The following ATG4B variants were observed in gnomAD, a reference collection of about 807,000 sequenced individuals.
The protein encoded by ATG4B is cysteine protease ATG4B.
A neutral mutation model predicts 56.6 loss-of-function variants in ATG4B; 29 were observed. The ratio of observed to expected loss-of-function variants is 0.51; its 90% CI spans 0.38 to 0.70. The LOEUF (loss-of-function observed/expected upper bound fraction) is 0.70, where lower values mean the gene tolerates loss of function less well. ATG4B is among the 30% of genes least tolerant of loss of function. The pLI, the probability that ATG4B is intolerant of heterozygous loss-of-function variation, is 0.00. For missense variants in ATG4B, 461 were observed against 515.5 expected (o/e 0.89, Z 1.02); for synonymous variants, 224 against 206.1 (o/e 1.09, Z -0.74).
chr2:241,640,960 A>G (rs1304028428), intron 1 of ATG4B, among the ~76,000 whole-genome samples: 1 of 152,184 alleles, frequency 6.6e-6, no homozygotes, highest in East Asian at 1.9e-4. Flanking sequence ...GGAAGGTTTC[A>G]TTCTAGAGGA....
At chr2:241,643,494 A>G (rs2067963817) in intron 1 of ATG4B, among the ~76,000 whole-genome samples, 1 of 150,608 alleles carries the variant, frequency 6.6e-6, no homozygotes, top group South Asian at 2.1e-4. Flanking sequence ...GGCATGAGCC[A>G]CGGCACCTGG....
intron 11 of ATG4B, 131 bp from the exon 12 acceptor site, chr2:241,671,178 GAGC>G: frequency 3.9e-6 from 3 of 771,250 alleles, no homozygotes; most frequent in Non-Finnish European, 6.5e-6. Flanking sequence ...CTTTAGTGTG[GAGC>G]TGCCTCTGTT....
Position 241,668,830 on chromosome 2 carries a change from T to C in ATG4B, c.957+145T>C. The C allele has an allele frequency of 8.1e-7, 1 of 1,239,318 alleles. No homozygotes were observed. The highest frequency in any genetic ancestry group is 1.1e-6 in the Non-Finnish European group (1 of 902,614). 76.8% of individuals were successfully genotyped at this position (1,239,318 alleles called of 1,614,324 possible). A position where few individuals can be genotyped will look rare whatever the true frequency, so the allele number is the denominator to read the frequency against. On this transcript the variant is annotated intron_variant, in intron 10 of 12. Transcript: ENST00000404914. This position sits in a 1 kb window ranked among gnomAD's most constrained non-coding sequence, Gnocchi z 4.2. ...CACGTGGTTGGGAATCTGAAGGGTATAAGAGCCGGAACTGTGTCCTTGCAC... is the reference window on the plus strand; with the variant it reads ...CACGTGGTTGGGAATCTGAAGGGTACAAGAGCCGGAACTGTGTCCTTGCAC...
Position 241,671,821 on chromosome 2 carries a change from A to G in ATG4B, c.1109-370A>G, listed in dbSNP as rs536737718. ...CGCAGGAGCCGGCCTGGGCTCGTGC[A>G]GTGAAGTGAGTGGCCGTGAGCGCGT... On this transcript the variant is annotated intron_variant, in intron 12 of 12. Transcript: ENST00000404914. 1.3e-4 allele frequency: 162 copies of G among 1,273,994 alleles called. 2 individuals carry two copies. In the South Asian group the frequency reaches 2.5e-3, roughly 20 times the overall value. The allele number at this position is 1,273,994 out of a possible 1,614,324, so 78.9% of individuals were successfully genotyped here.
At chr2:241,664,983 A>G (rs998977352) in intron 7 of ATG4B, among the ~76,000 whole-genome samples, 1 of 151,710 alleles carries the variant, frequency 6.6e-6, no homozygotes, top group Non-Finnish European at 1.5e-5. Flanking sequence ...CAGGGGGCAC[A>G]GTGGCCCACA....
chr2:241,652,753 CACCACTACCCCAA>C (rs1329875218), intron 3 of ATG4B, among the ~76,000 whole-genome samples: 1 of 152,172 alleles, frequency 6.6e-6, no homozygotes, highest in Admixed American at 6.5e-5. Flanking sequence ...GGGTGACGGC[CACCACTACCCCAA>C]GACACAGGGT....
At chr2:241,663,804 G>A (rs1404626598) in intron 7 of ATG4B, among the ~76,000 whole-genome samples, 1 of 149,608 alleles carries the variant, frequency 6.7e-6, no homozygotes, top group Non-Finnish European at 1.5e-5. Flanking sequence ...AACATAGCCA[G>A]ACGTCTATTT....
intron 1 of ATG4B, among the ~76,000 whole-genome samples, chr2:241,642,411 A>G (rs148605601): frequency 2.8e-4 from 43 of 152,292 alleles, no homozygotes; most frequent in African/African-American, 9.4e-4. Flanking sequence ...AGTAGTAATC[A>G]TATGCAAACT....
At position 241,643,344 on chromosome 2, in the gene ATG4B, A is replaced by G. The variant is rs538883510; in HGVS notation, c.10+5620A>G. Among the ~76,000 whole-genome samples, 9 of 147,670 alleles carry G rather than the reference A, an allele frequency of 6.1e-5. No homozygotes were observed. The East Asian group carries it at 1.8e-3, about 29-fold the overall frequency. Reference sequence around the variant, plus strand: ...CTCACATTCCTCAGTAGCTAAGACTACAGATGTCCACGCCTAGCTATTTTT... The same window carrying G: ...CTCACATTCCTCAGTAGCTAAGACTGCAGATGTCCACGCCTAGCTATTTTT... On this transcript the variant is annotated intron_variant, in intron 1 of 12. Coordinates refer to ENST00000404914, the MANE Select transcript of ATG4B (RefSeq NM_013325.5).
At chr2:241,657,735 C>T (rs2068452450) in intron 6 of ATG4B, among the ~76,000 whole-genome samples, 1 of 152,242 alleles carries the variant, frequency 6.6e-6, no homozygotes, top group African/African-American at 2.4e-5. Flanking sequence ...GCCCCATCTT[C>T]TTCTTTCTTG....
chr2:241,672,180 G>T lies in ATG4B; in HGVS notation c.1109-11G>T. On this transcript the variant is annotated splice_polypyrimidine_tract_variant and intron_variant, in intron 12 of 12. Coordinates refer to ENST00000404914, the MANE Select transcript of ATG4B (RefSeq NM_013325.5). ...CAAGATGCCTGATGCGCTATGTCCT[G>T]TTCCTTCTAGATTCTTCTGATGTAG... 6.4e-7 allele frequency: 1 copy of T among 1,571,216 alleles called. No homozygotes were observed. Among genetic ancestry groups the T allele is most frequent in the Non-Finnish European group, 8.6e-7 (1 of 1,157,716 alleles).
rs556025540 is a variant in ATG4B, at chr2:241,668,299, G to A, written c.811+78G>A. On this transcript the variant is annotated intron_variant, in intron 9 of 12. Coordinates refer to ENST00000404914, the MANE Select transcript of ATG4B (RefSeq NM_013325.5). The surrounding 1 kb of genome is among the most constrained non-coding windows in gnomAD (Gnocchi z 4.2). ...TTCCATGAGCAGGTACCACACCCCA[G>A]GTGACCACTTGAGGCCACTGGTGGA... 20 of 1,500,446 alleles carry A rather than the reference G, an allele frequency of 1.3e-5. No homozygotes were observed. The African/African-American group carries it at 1.5e-4, about 11-fold the overall frequency. The allele number at this position is 1,500,446 out of a possible 1,614,324, so 92.9% of individuals were successfully genotyped here.
chr2:241,645,362 G>A (rs1406694337), intron 1 of ATG4B, among the ~76,000 whole-genome samples: 2 of 152,208 alleles, frequency 1.3e-5, no homozygotes, highest in East Asian at 1.9e-4. Flanking sequence ...AGGAAAGGAC[G>A]TTATGTTGGA....
intron 1 of ATG4B, chr2:241,638,322 C>A (rs1220069950): frequency 1.3e-5 from 2 of 152,134 alleles, no homozygotes; most frequent in Non-Finnish European, 2.9e-5. Flanking sequence ...GAATTTGTAT[C>A]ATCGGGTCTT....
In ATG4B at chr2:241,666,728, G is replaced by C. The variant is rs1340629301; in HGVS notation, c.622G>C (p.Ala208Pro). 3.7e-6 allele frequency: 6 copies of C among 1,611,822 alleles called. No homozygotes were observed. Among genetic ancestry groups the C allele is most frequent in the Middle Eastern group, 3.3e-4 (2 of 6,056 alleles). Residue 208 changes from alanine (A) to proline (P), a missense_variant, in exon 8 of 13, where the codon GCC becomes CCC. Transcript: ENST00000404914. ...CGACCGGCACTGCAACGGATTCCCT[G>C]CCGGAGCTGAGGTCACCAACAGGCC... is the stretch of plus-strand genomic sequence containing the variant. ...DSDRHCNGFP[A>P]GAEVTNRPSP... is the part of the protein sequence containing the mutation.
intron 10 of ATG4B, 60 bp from the exon 11 acceptor site, chr2:241,670,666 C>G (rs1016658085): frequency 5.1e-5 from 75 of 1,480,782 alleles, no homozygotes; most frequent in Non-Finnish European, 6.9e-5. Context: ...TGGAAGCCCC[C>G]ACCTCTTAGC....
rs779313733 is a variant in ATG4B at position 241,668,193 on chromosome 2, C to T, written c.783C>T (p.Asn261=). The T allele has an allele frequency of 3.1e-6, 5 of 1,607,712 alleles. No homozygotes were observed. Among genetic ancestry groups the T allele is most frequent in the Admixed American group, 1.7e-5 (1 of 59,358 alleles). The part of the protein sequence containing the change: ...QSLGVIGGKP[N]SAHYFIGYVG... ...TGGGCGTCATCGGAGGGAAGCCCAA[C>T]AGCGCCCACTACTTCATCGGCTACG... The change falls in exon 9 of 13, where the codon AAC becomes AAT. Residue 261 remains asparagine, a synonymous_variant. Transcript: ENST00000404914. The surrounding 1 kb of genome is among the most constrained non-coding windows in gnomAD (Gnocchi z 4.2).
chr2:241,642,033 T>TA (rs35720921), intron 1 of ATG4B, among the ~76,000 whole-genome samples: 66,116 of 149,412 alleles, frequency 0.44, 14,966 homozygotes, highest in African/African-American at 0.55. Context: ...TGGTTGGTAA[T>TA]AAAAAAAAAA....
In ATG4B at chr2:241,653,376, G is replaced by C. The variant is rs2068280222; in HGVS notation, c.185-136G>C. On this transcript the variant is annotated intron_variant, in intron 3 of 12. Transcript: ENST00000404914. ...CGTTACTGAGTCCTAAGAGGTGTGT[G>C]TTGCCCCAGGTGGAGCTGATGGAGG... is the stretch of plus-strand genomic sequence containing the variant. 3.2e-6 allele frequency: 5 copies of C among 1,550,688 alleles called. No homozygotes were observed. In the East Asian group the frequency reaches 1.2e-4, roughly 38 times the overall value.
Sources: allele counts gnomAD v4.1 joint callset (sites outside exome capture counted in the v4.1 genomes callset), GRCh38; gene constraint gnomAD v4.1.1; non-coding constraint Gnocchi (gnomAD v3.1); transcripts MANE v1.5; gene names NCBI Gene and HGNC (gene_info 2026-07-23, HGNC 2026-07-21).